Variants in LRRTM4 observed in about 807,000 individuals in gnomAD.
LRRTM4 encodes the protein leucine rich repeat transmembrane neuronal 4, also known as leucine-rich repeat transmembrane neuronal protein 4.
A neutral mutation model predicts 47.6 loss-of-function variants in LRRTM4; 25 were observed. That is an observed-to-expected ratio of 0.53 (90% CI 0.38 to 0.73). The LOEUF (loss-of-function observed/expected upper bound fraction) is 0.73. Ranked by LOEUF, LRRTM4 falls within the 30% of genes least tolerant of loss-of-function variation. The pLI, the probability that LRRTM4 is intolerant of heterozygous loss-of-function variation, is 0.00. For missense variants in LRRTM4, 638 were observed against 713.4 expected (o/e 0.89, Z 1.20); for synonymous variants, 311 against 269.5 (o/e 1.15, Z -1.51).
intron 3 of LRRTM4, among the ~76,000 whole-genome samples, chr2:77,167,200 A>C (rs1436949965): frequency 5.3e-5 from 8 of 152,240 alleles, no homozygotes. Context: ...CTCATGAAAA[A>C]ATGCTCATCA....
intron 3 of LRRTM4, among the ~76,000 whole-genome samples, chr2:76,798,924 A>C (rs1675507955): frequency 6.6e-6 from 1 of 150,730 alleles, no homozygotes; most frequent in African/African-American, 2.5e-5. Context: ...CTCTGAATAG[A>C]CCAATAACAG....
At chr2:77,222,908 C>A (rs1009178951) in intron 3 of LRRTM4, among the ~76,000 whole-genome samples, 3 of 151,716 alleles carry the variant, frequency 2.0e-5, no homozygotes, top group Non-Finnish European at 4.4e-5. Flanking sequence ...CAATAAAAAA[C>A]GAGAATTTTA....
chr2:76,994,430 A>AAG (rs1260143797), intron 3 of LRRTM4, among the ~76,000 whole-genome samples: 2 of 151,942 alleles, frequency 1.3e-5, no homozygotes, highest in Admixed American at 6.6e-5. Context: ...GCATTTCCTT[A>AAG]GTAGGATTGG....
At chr2:77,428,492 T>C (rs1397688825) in intron 3 of LRRTM4, among the ~76,000 whole-genome samples, 2 of 152,218 alleles carry the variant, frequency 1.3e-5, no homozygotes, top group Admixed American at 1.3e-4. Flanking sequence ...CCCTGTTCCA[T>C]AATTTTATAT....
chr2:77,319,929 C>T (rs2104222536), intron 3 of LRRTM4, among the ~76,000 whole-genome samples: 1 of 152,262 alleles, frequency 6.6e-6, no homozygotes, highest in Non-Finnish European at 1.5e-5. Flanking sequence ...ATAGAACATC[C>T]CTTCTAGCGT....
chr2:77,098,857 A>G (rs547966744), intron 3 of LRRTM4, among the ~76,000 whole-genome samples: 9 of 152,176 alleles, frequency 5.9e-5, no homozygotes, highest in African/African-American at 1.9e-4. Context: ...GGGAAATTAT[A>G]AAAGTCAATA....
At chr2:76,882,878 C>T (rs1182697199) in intron 3 of LRRTM4, among the ~76,000 whole-genome samples, 2 of 152,110 alleles carry the variant, frequency 1.3e-5, no homozygotes, top group East Asian at 3.9e-4. Flanking sequence ...CTTCCACGGG[C>T]CTACTCTTCA....
chr2:77,399,236 T>C (rs1673839184), intron 3 of LRRTM4, among the ~76,000 whole-genome samples: 1 of 151,644 alleles, frequency 6.6e-6, no homozygotes, highest in South Asian at 2.1e-4. Flanking sequence ...ATTATATGTA[T>C]ATTTATTATG....
At chr2:77,218,232 G>A (rs967566193) in intron 3 of LRRTM4, among the ~76,000 whole-genome samples, 1 of 152,128 alleles carries the variant, frequency 6.6e-6, no homozygotes, top group African/African-American at 2.4e-5. Context: ...CACCTCAGGC[G>A]ATCTGCCCAC....
intron 3 of LRRTM4, among the ~76,000 whole-genome samples, chr2:77,509,157 G>A (rs891991329): frequency 1.6e-4 from 24 of 151,430 alleles, no homozygotes; most frequent in Admixed American, 9.2e-4. Context: ...GCTTGAACCC[G>A]GGAGGTGGAG....
intron 3 of LRRTM4, among the ~76,000 whole-genome samples, chr2:76,979,531 C>T (rs1223612176): frequency 1.1e-5 from 1 of 90,798 alleles, no homozygotes; most frequent in Non-Finnish European, 2.0e-5. Context: ...GACTGCAAAA[C>T]TGAATTTCTG....
Position 76,803,840 on chromosome 2 carries a change from A to G in LRRTM4, c.1552-54924T>C, listed in dbSNP as rs746646380. Reference sequence around the variant, plus strand: ...AACATCTGTACAAACAATATGTTTTATGCTATGCCAAAAACCTGATTTTCC... The same window carrying G: ...AACATCTGTACAAACAATATGTTTTGTGCTATGCCAAAAACCTGATTTTCC... On this transcript the variant is annotated intron_variant, in intron 3 of 3. Coordinates refer to ENST00000409884, the MANE Select transcript of LRRTM4 (RefSeq NM_001134745.3). 6.8e-4 allele frequency among the ~76,000 whole-genome samples: 104 copies of G among 152,264 alleles called. 1 individual carries two copies. In the Middle Eastern group the frequency reaches 0.01, roughly 15 times the overall value.
At chr2:77,513,633 A>G (rs570767121) in intron 3 of LRRTM4, among the ~76,000 whole-genome samples, 10 of 152,170 alleles carry the variant, frequency 6.6e-5, no homozygotes, top group Non-Finnish European at 8.8e-5. Flanking sequence ...CAGTAGTGCA[A>G]TCTTGCACTG....
At chr2:77,385,782 C>G (rs1260069488) in intron 3 of LRRTM4, among the ~76,000 whole-genome samples, 1 of 119,490 alleles carries the variant, frequency 8.4e-6, no homozygotes, top group Non-Finnish European at 1.6e-5. Context: ...GAGTCTCACT[C>G]TGTCACCCAG....
intron 3 of LRRTM4, among the ~76,000 whole-genome samples, chr2:76,876,112 A>G (rs565894453): frequency 1.3e-5 from 2 of 152,270 alleles, no homozygotes; most frequent in South Asian, 2.1e-4. Flanking sequence ...TAAGAATTAC[A>G]TACACACAGT....
chr2:76,847,060 G>C (rs1266794348), intron 3 of LRRTM4, among the ~76,000 whole-genome samples: 2 of 152,170 alleles, frequency 1.3e-5, no homozygotes, highest in African/African-American at 4.8e-5. Context: ...GTGCTCTCCA[G>C]ATAGATTAGA....
At chr2:76,900,088 G>C (rs1558723707) in intron 3 of LRRTM4, among the ~76,000 whole-genome samples, 2 of 152,034 alleles carry the variant, frequency 1.3e-5, no homozygotes, top group Non-Finnish European at 2.9e-5. Flanking sequence ...AGTTAGTCAG[G>C]CATGATGGAT....
At chr2:76,861,977 C>G (rs1483528938) in intron 3 of LRRTM4, among the ~76,000 whole-genome samples, 4 of 152,000 alleles carry the variant, frequency 2.6e-5, no homozygotes, top group Admixed American at 1.3e-4. Flanking sequence ...CATTCGTTGC[C>G]TGGACTATTC....
intron 3 of LRRTM4, among the ~76,000 whole-genome samples, chr2:77,298,388 C>T (rs1677033348): frequency 6.6e-6 from 1 of 152,178 alleles, no homozygotes; most frequent in African/African-American, 2.4e-5. Flanking sequence ...AGGCACCCGC[C>T]ACCACGCCCG....
Sources: allele counts gnomAD v4.1 joint callset (sites outside exome capture counted in the v4.1 genomes callset), GRCh38; gene constraint gnomAD v4.1.1; transcripts MANE v1.5; gene names NCBI Gene and HGNC (gene_info 2026-07-23, HGNC 2026-07-21).